Variants in MYO16 observed in about 807,000 individuals in gnomAD.
The protein encoded by MYO16 is unconventional myosin-XVI.
MYO16 carries 94 observed loss-of-function variants against 205.3 expected under a neutral mutation model. The ratio of observed to expected loss-of-function variants is 0.46; its 90% CI spans 0.39 to 0.54. MYO16 has a LOEUF of 0.54. Among genes scored for constraint, MYO16 ranks in the 20% least tolerant of loss-of-function variants. MYO16 has a pLI of 0.00. For synonymous variants in MYO16, 988 were observed against 954.0 expected, an observed-to-expected ratio of 1.04 and a Z score of -0.66; for missense variants, 2,315 against 2,387.5, an observed-to-expected ratio of 0.97 and a Z score of 0.63.
intron 27 of MYO16, among the ~76,000 whole-genome samples, chr13:109,084,932 G>A (rs1164870329): frequency 1.3e-5 from 2 of 152,160 alleles, no homozygotes; most frequent in African/African-American, 2.4e-5. Context: ...AGACCAGTCA[G>A]TGTGGGTTTA....
chr13:109,091,448 T>G (rs1037420404), intron 27 of MYO16, among the ~76,000 whole-genome samples: 1 of 152,202 alleles, frequency 6.6e-6, no homozygotes, highest in African/African-American at 2.4e-5. Context: ...TATTGGTCTT[T>G]TCTTTGATTG....
At chr13:109,052,531 C>A in intron 25 of MYO16, 56 bp downstream of exon 25, 1 of 1,352,220 alleles carries the variant, frequency 7.4e-7, no homozygotes, top group Non-Finnish European at 1.0e-6. Flanking sequence ...AGTATATTTG[C>A]TTCTTTTTTT....
intron 20 of MYO16, among the ~76,000 whole-genome samples, chr13:108,989,428 C>G (rs1003625377): frequency 2.6e-5 from 4 of 152,092 alleles, no homozygotes; most frequent in Admixed American, 2.0e-4. Context: ...TCTCCATTTC[C>G]TCTTTCAAGG....
At chr13:109,054,985 C>CTTCCTTTCCT (rs369913740) in intron 25 of MYO16, 61 bp from the exon 26 acceptor site, 3 of 1,105,414 alleles carry the variant, frequency 2.7e-6, no homozygotes, top group African/African-American at 1.7e-5. Context: ...TTTCCTCCTT[C>CTTCCTTTCCT]TTCCTTTCCT....
chr13:109,041,823 G>A (rs1233710773), intron 23 of MYO16, among the ~76,000 whole-genome samples: 3 of 150,940 alleles, frequency 2.0e-5, no homozygotes, highest in Non-Finnish European at 4.4e-5. Context: ...ACAATAAAGG[G>A]CATAAATGGA....
the MYO16 span, among the ~76,000 whole-genome samples, chr13:108,497,789 T>C: frequency 6.6e-6 from 1 of 152,212 alleles, no homozygotes; most frequent in African/African-American, 2.4e-5. Context: ...AAGCCCCACC[T>C]GCTGCTGTGC....
chr13:109,135,361 G>A (rs974193628), intron 31 of MYO16, among the ~76,000 whole-genome samples: 1 of 152,176 alleles, frequency 6.6e-6, no homozygotes, highest in Non-Finnish European at 1.5e-5. Flanking sequence ...ATAATTTTCC[G>A]TAGCTCTTAG....
chr13:108,550,225 T>C, the MYO16 span, among the ~76,000 whole-genome samples: 123,229 of 152,302 alleles, frequency 0.81, 51,374 homozygotes, highest in East Asian at 0.98. Flanking sequence ...GCTACTGCCA[T>C]GGCGTCAGCC....
At chr13:108,584,798 G>T in the MYO16 span, among the ~76,000 whole-genome samples, 1 of 152,060 alleles carries the variant, frequency 6.6e-6, no homozygotes, top group Non-Finnish European at 1.5e-5. Flanking sequence ...ATTTTGATGT[G>T]CAACAATGAT....
At chr13:109,035,783 G>A (rs926472992) in intron 23 of MYO16, among the ~76,000 whole-genome samples, 6 of 152,122 alleles carry the variant, frequency 3.9e-5, no homozygotes, top group African/African-American at 1.4e-4. Flanking sequence ...CACATAGAAG[G>A]ACTGAGTTAA....
At chr13:108,702,018 G>GA (rs147813068) in intron 2 of MYO16, among the ~76,000 whole-genome samples, 7,635 of 148,698 alleles carry the variant, frequency 0.051, 250 homozygotes, top group East Asian at 0.17. Flanking sequence ...AGGTAGAGAA[G>GA]AAAAAAAAAA....
At chr13:108,838,770 GCACACA>G (rs71125345) in intron 9 of MYO16, among the ~76,000 whole-genome samples, 3 of 145,424 alleles carry the variant, frequency 2.1e-5, no homozygotes, top group East Asian at 4.1e-4. Context: ...ACACACAAAT[GCACACA>G]CACACACACA....
chr13:108,875,477 A>G (rs1159526382), intron 12 of MYO16, among the ~76,000 whole-genome samples: 1 of 152,206 alleles, frequency 6.6e-6, no homozygotes, highest in African/African-American at 2.4e-5. Flanking sequence ...GGCATCAGGT[A>G]ATGTGTTGCC....
At chr13:109,102,510 A>G (rs77282979) in intron 28 of MYO16, among the ~76,000 whole-genome samples, 25 of 614 alleles carry the variant, frequency 0.041, no homozygotes, top group Non-Finnish European at 0.075. Context: ...GTGTGTGTGT[A>G]TATATATATA....
intron 3 of MYO16, among the ~76,000 whole-genome samples, chr13:108,720,537 C>T (rs1293092530): frequency 6.6e-6 from 1 of 152,180 alleles, no homozygotes; most frequent in African/African-American, 2.4e-5. Flanking sequence ...CCTCACGTCA[C>T]TTCTTCTTCC....
At chr13:109,014,179 A>C (rs543850655) in intron 22 of MYO16, among the ~76,000 whole-genome samples, 3 of 152,302 alleles carry the variant, frequency 2.0e-5, no homozygotes, top group South Asian at 2.1e-4. Context: ...TCAGCTTTCT[A>C]CATATGGCTA....
intron 9 of MYO16, 44 bp downstream of exon 9, chr13:108,823,322 T>C (rs566406576): frequency 3.9e-6 from 6 of 1,549,920 alleles, no homozygotes; most frequent in Admixed American, 1.9e-5. Context: ...CTTCTCTACC[T>C]GCTGGTCATT....
the MYO16 span, among the ~76,000 whole-genome samples, chr13:108,587,238 G>A: frequency 5.3e-5 from 8 of 152,318 alleles, no homozygotes; most frequent in African/African-American, 1.9e-4. Flanking sequence ...TGACTGTGAG[G>A]AGTCTGGCAT....
intron 27 of MYO16, among the ~76,000 whole-genome samples, chr13:109,097,155 C>T (rs539849254): frequency 6.6e-6 from 1 of 152,240 alleles, no homozygotes; most frequent in East Asian, 1.9e-4. Flanking sequence ...CATGTGAAAC[C>T]CTGTCTCTAC....
Sources: allele counts gnomAD v4.1 joint callset (sites outside exome capture counted in the v4.1 genomes callset), GRCh38; gene constraint gnomAD v4.1.1; transcripts MANE v1.5; gene names NCBI Gene and HGNC (gene_info 2026-07-23, HGNC 2026-07-21).